Variants in BRSK2 observed in about 807,000 individuals in gnomAD.
BRSK2 encodes BR serine/threonine kinase 2, also known as serine/threonine-protein kinase BRSK2.
A neutral mutation model predicts 83.3 loss-of-function variants in BRSK2; 19 were observed. The ratio of observed to expected loss-of-function variants is 0.23; its 90% CI spans 0.16 to 0.33. The LOEUF (loss-of-function observed/expected upper bound fraction) is 0.33. BRSK2 is among the 10% of genes least tolerant of loss of function. The pLI is 1.00. For missense variants in BRSK2, 798 were observed against 1,042.3 expected, an observed-to-expected ratio of 0.77 and a Z score of 3.23; for synonymous variants, 519 against 435.4, an observed-to-expected ratio of 1.19 and a Z score of -2.39.
Position 1,461,101 on chromosome 11 carries a change from T to C in BRSK2, c.*378T>C. ...CAGTGAGGCCCAGCCCAGCGCCCCG[T>C]CCACCCCGCGGCAGCTCCTCGCCTC... On this transcript the variant is annotated 3_prime_UTR_variant, in exon 20 of 20. Coordinates refer to ENST00000528841, the MANE Select transcript of BRSK2 (RefSeq NM_001256627.2). 6.7e-7 allele frequency: 1 copy of C among 1,486,856 alleles called. No homozygotes were observed. The highest frequency in any genetic ancestry group is 9.2e-7 in the Non-Finnish European group (1 of 1,089,796). The allele number at this position is 1,486,856 out of a possible 1,614,324, so 92.1% of individuals were successfully genotyped here.
chr11:1,404,128 G>T (rs1234740239), intron 1 of BRSK2, among the ~76,000 whole-genome samples: 1 of 152,212 alleles, frequency 6.6e-6, no homozygotes, highest in African/African-American at 2.4e-5. Context: ...ACAGAAGCTG[G>T]TGTGGGCACA....
chr11:1,424,314 CAT>C (rs1439203444), intron 1 of BRSK2, among the ~76,000 whole-genome samples: 1 of 151,888 alleles, frequency 6.6e-6, no homozygotes, highest in Non-Finnish European at 1.5e-5. Context: ...CCTACTGCCT[CAT>C]GTGGGGGGTG....
In BRSK2 at chr11:1,459,199, T is replaced by C; in HGVS notation, c.1947T>C (p.Thr649=). The C allele has an allele frequency of 6.2e-7, 1 of 1,613,690 alleles. No homozygotes were observed. The highest frequency in any genetic ancestry group is 8.5e-7 in the Non-Finnish European group (1 of 1,179,772). ...PPAAQHLSDT[T]NCMEMMTGRL... is the part of the protein sequence containing the mutation. Reference sequence around the variant, plus strand: ...CTCCATTCTGTACTCCAGACACCACTAACTGTATGGAAATGATGACGGGGC... The same window carrying C: ...CTCCATTCTGTACTCCAGACACCACCAACTGTATGGAAATGATGACGGGGC... The change falls in exon 19 of 20, where the codon ACT becomes ACC. Residue 649 remains threonine (T), a synonymous_variant. Coordinates refer to ENST00000528841, the MANE Select transcript of BRSK2 (RefSeq NM_001256627.2).
chr11:1,424,855 C>T (rs2132883977), intron 1 of BRSK2, among the ~76,000 whole-genome samples: 1 of 152,298 alleles, frequency 6.6e-6, no homozygotes, highest in East Asian at 1.9e-4. Flanking sequence ...GAGCAGGACC[C>T]CCTGGCCTGC....
At chr11:1,405,902 C>T (rs375915248) in intron 1 of BRSK2, among the ~76,000 whole-genome samples, 1 of 152,190 alleles carries the variant, frequency 6.6e-6, no homozygotes, top group Non-Finnish European at 1.5e-5. Flanking sequence ...GGCCCAGCCC[C>T]AGGCGCCCCT....
At position 1,449,824 on chromosome 11, in the gene BRSK2, C is replaced by T. The variant is rs751954665; in HGVS notation, c.1275C>T (p.Leu425=). The change falls in exon 13 of 20, where the codon CTC becomes CTT. Residue 425 remains leucine, a synonymous_variant. Transcript: ENST00000528841. ...GASSGLSTSP[L]SSPRVTPHPS... ...CCTCAGGCCTTTCCACCAGCCCACT[C>T]AGCAGCCCCCGGGTGAGTGACCCCC... The T allele has an allele frequency of 1.9e-6, 3 of 1,611,818 alleles. No individual in the cohort carries two copies. Among genetic ancestry groups the T allele is most frequent in the East Asian group, 2.2e-5 (1 of 44,838 alleles).
At chr11:1,443,313 G>GC in intron 6 of BRSK2, 22 bp from the exon 7 acceptor site, 2 of 1,598,160 alleles carry the variant, frequency 1.3e-6, no homozygotes, top group Non-Finnish European at 1.7e-6. Context: ...CCCCCCAACA[G>GC]CCCGGGCACT....
intron 1 of BRSK2, among the ~76,000 whole-genome samples, chr11:1,406,946 C>T (rs1052492172): frequency 6.6e-5 from 10 of 152,102 alleles, no homozygotes; most frequent in African/African-American, 1.9e-4. Context: ...CAGGTGTGTG[C>T]GTGCGTGCCT....
intron 18 of BRSK2, 31 bp from the exon 19 acceptor site, chr11:1,459,161 C>T (rs1356459651): frequency 4.3e-6 from 7 of 1,609,984 alleles, no homozygotes; most frequent in Non-Finnish European, 5.9e-6. Context: ...TTCACTCACT[C>T]CCTCCCTCCT....
chr11:1,391,459 AG>A (rs1845728481), intron 1 of BRSK2, among the ~76,000 whole-genome samples: 1 of 152,318 alleles, frequency 6.6e-6, no homozygotes, highest in Non-Finnish European at 1.5e-5. Flanking sequence ...AAAGTGGGCC[AG>A]GCCCAGGCTC....
intron 1 of BRSK2, among the ~76,000 whole-genome samples, chr11:1,417,121 T>C (rs1564813866): frequency 6.6e-6 from 1 of 152,142 alleles, no homozygotes; most frequent in African/African-American, 2.4e-5. Context: ...ATTGCACCAC[T>C]GCACTCCACA....
intron 1 of BRSK2, among the ~76,000 whole-genome samples, chr11:1,416,077 T>A (rs749393480): frequency 1.4e-4 from 22 of 152,372 alleles, no homozygotes; most frequent in East Asian, 3.9e-4. Flanking sequence ...CGGGGACCTT[T>A]GCAATGGCCA....
At chr11:1,444,887 C>T (rs867944672) in intron 8 of BRSK2, 84 bp from the exon 9 acceptor site, 179 of 1,320,290 alleles carry the variant, frequency 1.4e-4, no homozygotes, top group Middle Eastern at 1.3e-3. Flanking sequence ...GTGCTCCCAG[C>T]GCCCCTGCCT....
At chr11:1,422,256 C>T (rs978875045) in intron 1 of BRSK2, among the ~76,000 whole-genome samples, 8 of 152,164 alleles carry the variant, frequency 5.3e-5, no homozygotes, top group African/African-American at 1.2e-4. Flanking sequence ...CAGCCCCCAG[C>T]CCCCTCCTGA....
At chr11:1,400,504 G>A (rs570301374) in intron 1 of BRSK2, among the ~76,000 whole-genome samples, 19 of 152,330 alleles carry the variant, frequency 1.2e-4, no homozygotes, top group Admixed American at 3.9e-4. Flanking sequence ...CCTGTATAGC[G>A]GCCGTGGGTA....
chr11:1,454,635 C>T lies in BRSK2; in HGVS notation c.1668+27C>T, dbSNP rs186954034. On this transcript the variant is annotated intron_variant, in intron 16 of 19. Coordinates refer to ENST00000528841, the MANE Select transcript of BRSK2 (RefSeq NM_001256627.2). This position sits in a 1 kb window ranked among gnomAD's most constrained non-coding sequence, Gnocchi z 5.2. The stretch of plus-strand genomic sequence containing the variant: ...TGAGGCCACAGGGCGCTGGGGGAGG[C>T]GGGCAGCCCTCCCAACCCCACACGG... The T allele has an allele frequency of 4.8e-5, 77 of 1,610,616 alleles. No homozygotes were observed. The highest frequency in any genetic ancestry group is 3.3e-4 in the East Asian group (15 of 44,838).
rs368346939 is a variant in BRSK2, at chr11:1,456,482, G to T, written c.1803G>T (p.Ala601=). The T allele has an allele frequency of 2.2e-5, 35 of 1,575,398 alleles. No homozygotes were observed. In the South Asian group the frequency reaches 4.1e-4, roughly 18 times the overall value. The change falls in exon 17 of 20, where the codon GCG becomes GCT. Residue 601 remains alanine (A), a synonymous_variant. Transcript: ENST00000528841. ...VDITYTEGGE[A]QKENGIYSVT... is the part of the protein sequence containing the mutation. ...TCACCTACACGGAGGGTGGGGAGGCGCAGAAGGAGAACGGCATCTACTCCG... is the reference window on the plus strand; with the variant it reads ...TCACCTACACGGAGGGTGGGGAGGCTCAGAAGGAGAACGGCATCTACTCCG...
rs751500301 is a variant in BRSK2 at position 1,444,509 on chromosome 11, G to A, written c.781-462G>A. On this transcript the variant is annotated intron_variant, in intron 8 of 19. Coordinates refer to ENST00000528841, the MANE Select transcript of BRSK2 (RefSeq NM_001256627.2). Reference sequence around the variant, plus strand: ...CACCTGCACCCAGCCCTGCCCCGCCGCACAGGTGGGCCGGGTTCTTCTGGC... The same window carrying A: ...CACCTGCACCCAGCCCTGCCCCGCCACACAGGTGGGCCGGGTTCTTCTGGC... Among the ~76,000 whole-genome samples, 4 of 152,134 alleles carry A rather than the reference G, an allele frequency of 2.6e-5. No individual in the cohort carries two copies. In the East Asian group the frequency reaches 5.8e-4, roughly 22 times the overall value.
Position 1,420,022 on chromosome 11 carries a change from G to A in BRSK2, c.92-16018G>A, listed in dbSNP as rs150530161. ...CCCACACCCGGGCACGTGGTCGTTC[G>A]TCTCCAAGGAAGCCTGGTTGAGTGC... On this transcript the variant is annotated intron_variant, in intron 1 of 19. Coordinates refer to ENST00000528841, the MANE Select transcript of BRSK2 (RefSeq NM_001256627.2). 5.1e-4 allele frequency among the ~76,000 whole-genome samples: 78 copies of A among 152,356 alleles called. 1 individual carries two copies. The highest frequency in any genetic ancestry group is 1.6e-3 in the African/African-American group (65 of 41,582).
Sources: gnomAD v4.1 joint callset for allele counts (sites outside exome capture counted in the v4.1 genomes callset) on GRCh38, gnomAD v4.1.1 for gene constraint, Gnocchi (gnomAD v3.1) non-coding constraint, MANE v1.5 for transcripts, NCBI Gene and HGNC (gene_info 2026-07-23, HGNC 2026-07-21) for gene names.